Variants in TP53BP1 observed in about 807,000 individuals in gnomAD.
The protein encoded by TP53BP1 is TP53-binding protein 1.
A neutral mutation model predicts 200.8 loss-of-function variants in TP53BP1; 61 were observed. The ratio of observed to expected loss-of-function variants is 0.30; its 90% CI spans 0.25 to 0.38. The LOEUF (loss-of-function observed/expected upper bound fraction) is 0.38, where lower values mean the gene tolerates loss of function less well. Among genes scored for constraint, TP53BP1 ranks in the 10% least tolerant of loss-of-function variants. The pLI is 1.00. For missense variants in TP53BP1, 2,144 were observed against 2,371.9 expected, an observed-to-expected ratio of 0.90 and a Z score of 2.00; for synonymous variants, 822 against 844.3, an observed-to-expected ratio of 0.97 and a Z score of 0.46.
intron 13 of TP53BP1, 165 bp downstream of exon 13, chr15:43,447,201 T>G: frequency 1.5e-6 from 1 of 651,178 alleles, no homozygotes; most frequent in South Asian, 2.0e-5. Flanking sequence ...ACCCCTCATC[T>G]CCTAGTAGTA....
intron 6 of TP53BP1, 89 bp downstream of exon 6, chr15:43,479,770 T>A: frequency 6.8e-7 from 1 of 1,472,766 alleles, no homozygotes; most frequent in East Asian, 2.3e-5. Context: ...TTAATTTGGA[T>A]AGCTGCAAAA....
intron 24 of TP53BP1, among the ~76,000 whole-genome samples, chr15:43,412,494 G>A (rs1248409157): frequency 1.3e-5 from 2 of 152,128 alleles, no homozygotes; most frequent in Non-Finnish European, 2.9e-5. Context: ...TCTACCCACT[G>A]CAGCCTTCCT....
intron 11 of TP53BP1, among the ~76,000 whole-genome samples, chr15:43,462,167 A>T (rs2046450867): frequency 7.3e-6 from 1 of 136,188 alleles, no homozygotes; most frequent in African/African-American, 2.9e-5. Flanking sequence ...CCCCATCTCT[A>T]CTAAAAACAC....
chr15:43,492,724 C>T (rs909944971), intron 1 of TP53BP1, among the ~76,000 whole-genome samples: 1 of 151,826 alleles, frequency 6.6e-6, no homozygotes, highest in East Asian at 1.9e-4. Context: ...CACCCTTTCC[C>T]CTCCTTCCTA....
At chr15:43,432,135 T>G in intron 17 of TP53BP1, 59 bp downstream of exon 17, 1 of 1,555,308 alleles carries the variant, frequency 6.4e-7, no homozygotes, top group Non-Finnish European at 8.7e-7. Context: ...ACTTAAATTC[T>G]CTGAGAATCC....
rs548761781 is a variant in TP53BP1 at position 43,421,852 on chromosome 15, C to T, written c.4100+3G>A. ...TCTCTCTCTCTGGAGACCCTGTCTG[C>T]ACCTCAGTTTTCCTGGGCCTCCTCG... On this transcript the variant is annotated splice_donor_region_variant and intron_variant, in intron 19 of 27. Transcript: ENST00000382044. The T allele has an allele frequency of 6.2e-7, 1 of 1,614,178 alleles. No individual in the cohort carries two copies. The highest frequency in any genetic ancestry group is 1.3e-5 in the African/African-American group (1 of 75,062).
At chr15:43,480,387 G>A (rs1033419311) in intron 5 of TP53BP1, among the ~76,000 whole-genome samples, 5 of 152,140 alleles carry the variant, frequency 3.3e-5, no homozygotes, top group African/African-American at 1.2e-4. Flanking sequence ...GGCGGAGCTT[G>A]CAGTGAGCCA....
At chr15:43,457,250 T>C (rs778253117) in intron 11 of TP53BP1, 32 bp from the exon 12 acceptor site, 152 of 1,538,596 alleles carry the variant, frequency 9.9e-5, no homozygotes, top group Non-Finnish European at 1.3e-4. Context: ...CAAATTGTAA[T>C]TTGTACATGA....
chr15:43,440,530 A>T (rs1472425245), intron 15 of TP53BP1, among the ~76,000 whole-genome samples: 1 of 151,240 alleles, frequency 6.6e-6, no homozygotes, highest in South Asian at 2.1e-4. Context: ...AAAAAACAAA[A>T]AAAAAACACT....
chr15:43,452,339 G>A (rs2046190498), intron 12 of TP53BP1, among the ~76,000 whole-genome samples: 1 of 152,222 alleles, frequency 6.6e-6, no homozygotes, highest in East Asian at 1.9e-4. Context: ...GCCAAGGTGG[G>A]TGGATTGCCT....
At chr15:43,420,860 G>T in intron 20 of TP53BP1, 125 bp from the exon 21 acceptor site, 2 of 1,275,856 alleles carry the variant, frequency 1.6e-6, no homozygotes, top group South Asian at 1.5e-5. Flanking sequence ...CCCATCACAG[G>T]CATGAGCCTG....
intron 12 of TP53BP1, among the ~76,000 whole-genome samples, chr15:43,450,711 A>G (rs1393015552): frequency 6.6e-6 from 1 of 152,214 alleles, no homozygotes; most frequent in Non-Finnish European, 1.5e-5. Flanking sequence ...AACTGTTAAC[A>G]GTGACAAGTT....
chr15:43,492,308 C>A lies in TP53BP1; in HGVS notation c.168G>T (p.Gln56His). The A allele has an allele frequency of 6.2e-7, 1 of 1,613,996 alleles. No homozygotes were observed. The highest frequency in any genetic ancestry group is 1.1e-5 in the South Asian group (1 of 91,054). Reference sequence around the variant, plus strand: ...CCAACACAGGATTTTCTTTGTGCGTCTGGAGATTAGGAAGGTGTCGAGATA... The same window carrying A: ...CCAACACAGGATTTTCTTTGTGCGTATGGAGATTAGGAAGGTGTCGAGATA... ...SMLSRHLPNL[Q>H]THKENPVLDV... Residue 56 changes from glutamine (Q) to histidine (H), a missense_variant, in exon 2 of 28, where the codon CAG becomes CAT. Transcript: ENST00000382044.
chr15:43,453,143 G>A (rs556224235), intron 12 of TP53BP1, among the ~76,000 whole-genome samples: 3 of 145,812 alleles, frequency 2.1e-5, no homozygotes, highest in East Asian at 4.0e-4. Flanking sequence ...GCAGTGAGCC[G>A]GGATAGCGCC....
intron 11 of TP53BP1, among the ~76,000 whole-genome samples, chr15:43,465,261 G>C (rs1049927331): frequency 2.0e-5 from 3 of 152,070 alleles, no homozygotes; most frequent in Non-Finnish European, 4.4e-5. Context: ...GAGTGCTAAA[G>C]GGCATGGGTT....
chr15:43,436,340 C>T lies in TP53BP1; in HGVS notation c.3191+1984G>A, dbSNP rs559065555. Among the ~76,000 whole-genome samples, 191 of 152,174 alleles carry T rather than the reference C, an allele frequency of 1.3e-3. 2 individuals are homozygous for T. The highest frequency in any genetic ancestry group is 2.3e-3 in the South Asian group (11 of 4,828). ...AAAACATTATCACATTGTCTAATTA[C>T]GAAATCACTGAATTTTAGAGGTGAA... On this transcript the variant is annotated intron_variant, in intron 16 of 27. Coordinates refer to ENST00000382044, the MANE Select transcript of TP53BP1 (RefSeq NM_001141980.3).
At chr15:43,507,722 C>CT (rs900254099) in intron 1 of TP53BP1, among the ~76,000 whole-genome samples, 108 of 144,922 alleles carry the variant, frequency 7.5e-4, no homozygotes, top group Middle Eastern at 3.5e-3. Context: ...TTTCTTTTTT[C>CT]TTTTTTTTTT....
Position 43,456,134 on chromosome 15 carries a change from G to A in TP53BP1, c.2474C>T (p.Thr825Ile). The change falls in exon 12 of 28, where the codon ACT becomes ATT. Residue 825 changes from threonine to isoleucine, a missense_variant. Physicochemically the swap from Thr to Ile is moderately conservative, Grantham distance 89. Coordinates refer to ENST00000382044, the MANE Select transcript of TP53BP1 (RefSeq NM_001141980.3). ...TTGCTCTACAGGTTCTGTTTCTGCA[G>A]TCCCTGATTTCAGATCTCCTTCATA... ...VEYEGDLKSG[T>I]AETEPVEQDS... 2 of 1,614,192 alleles carry A rather than the reference G, an allele frequency of 1.2e-6. No individual in the cohort carries two copies. The highest frequency in any genetic ancestry group is 1.7e-6 in the Non-Finnish European group (2 of 1,180,044).
intron 15 of TP53BP1, among the ~76,000 whole-genome samples, chr15:43,438,800 AATCAAATG>A (rs2045861110): frequency 6.6e-6 from 1 of 151,312 alleles, no homozygotes; most frequent in Non-Finnish European, 1.5e-5. Context: ...AAAGAGATAT[AATCAAATG>A]CAATATGCAG....
Sources: gnomAD v4.1 joint callset for allele counts (sites outside exome capture counted in the v4.1 genomes callset) on GRCh38, gnomAD v4.1.1 for gene constraint, MANE v1.5 for transcripts, NCBI Gene and HGNC (gene_info 2026-07-23, HGNC 2026-07-21) for gene names.